The following ZNF423 variants were observed in gnomAD, a reference collection of about 807,000 sequenced individuals.
The protein encoded by ZNF423 is Ebf-associated zinc finger protein.
A neutral mutation model predicts 95.8 loss-of-function variants in ZNF423; 12 were observed. The observed-to-expected ratio is 0.13, with a 90% confidence interval of 0.08 to 0.20. The LOEUF (loss-of-function observed/expected upper bound fraction) is 0.20, where lower values mean the gene tolerates loss of function less well. Ranked by LOEUF, ZNF423 falls within the 10% of genes least tolerant of loss-of-function variation. The pLI, the probability that ZNF423 is intolerant of heterozygous loss-of-function variation, is 1.00. For missense variants in ZNF423, 1,316 were observed against 1,737.1 expected, an observed-to-expected ratio of 0.76 and a Z score of 4.31; for synonymous variants, 749 against 711.9, an observed-to-expected ratio of 1.05 and a Z score of -0.83.
chr16:49,650,312 C>T (rs1047100675), intron 3 of ZNF423, among the ~76,000 whole-genome samples: 3 of 152,128 alleles, frequency 2.0e-5, no homozygotes, highest in Non-Finnish European at 2.9e-5. Context: ...AGCTGTGAGA[C>T]CATGGGAAAA....
chr16:49,616,883 T>C (rs1386736738), intron 5 of ZNF423, among the ~76,000 whole-genome samples: 1 of 152,164 alleles, frequency 6.6e-6, no homozygotes, highest in Non-Finnish European at 1.5e-5. Flanking sequence ...CATCATCTAA[T>C]AACACTAATA....
At chr16:49,654,352 G>C (rs991410502) in intron 3 of ZNF423, among the ~76,000 whole-genome samples, 5 of 152,208 alleles carry the variant, frequency 3.3e-5, no homozygotes, top group Non-Finnish European at 7.3e-5. Flanking sequence ...GCTAAGAGTA[G>C]GTCCTCATTT....
chr16:49,682,907 G>A (rs536686317), intron 3 of ZNF423, among the ~76,000 whole-genome samples: 10 of 152,220 alleles, frequency 6.6e-5, no homozygotes, highest in African/African-American at 2.2e-4. Flanking sequence ...GGGTATCTAG[G>A]AGACGCCCCT....
chr16:49,744,319 G>A (rs79816340), intron 2 of ZNF423, among the ~76,000 whole-genome samples: 10,915 of 152,266 alleles, frequency 0.072, 487 homozygotes, highest in East Asian at 0.15. Context: ...ACACAGCCAG[G>A]CAGGGTGTCC....
chr16:49,629,980 C>T (rs1028551019), intron 4 of ZNF423, among the ~76,000 whole-genome samples: 5 of 152,198 alleles, frequency 3.3e-5, no homozygotes, highest in African/African-American at 7.2e-5. Context: ...AAGCTGGATG[C>T]GTCAGGCTCC....
chr16:49,848,230 C>A (rs2144116758), intron 1 of ZNF423, among the ~76,000 whole-genome samples: 2 of 152,250 alleles, frequency 1.3e-5, no homozygotes, highest in Admixed American at 1.3e-4. Context: ...GCCAGGTGAG[C>A]ATCTGCAGGA....
chr16:49,827,710 TA>T (rs2035020640), intron 1 of ZNF423, among the ~76,000 whole-genome samples: 1 of 152,142 alleles, frequency 6.6e-6, no homozygotes, highest in Non-Finnish European at 1.5e-5. Context: ...TTTGTAGCAA[TA>T]GGGTCTATGT....
intron 5 of ZNF423, among the ~76,000 whole-genome samples, chr16:49,596,894 G>T (rs1379228103): frequency 6.6e-6 from 1 of 152,200 alleles, no homozygotes; most frequent in African/African-American, 2.4e-5. Flanking sequence ...AGGGCCACAC[G>T]CCAGGAAGCA....
intron 5 of ZNF423, among the ~76,000 whole-genome samples, chr16:49,560,497 C>T (rs1969979146): frequency 6.6e-6 from 1 of 152,148 alleles, no homozygotes; most frequent in African/African-American, 2.4e-5. Context: ...TATTCCCTTC[C>T]CTCTCGCAGC....
At chr16:49,828,187 C>T (rs1250014751) in intron 1 of ZNF423, among the ~76,000 whole-genome samples, 1 of 152,210 alleles carries the variant, frequency 6.6e-6, no homozygotes, top group Admixed American at 6.5e-5. Context: ...AAGCCACCCA[C>T]CCTGCCAACC....
intron 5 of ZNF423, among the ~76,000 whole-genome samples, chr16:49,557,242 A>AG (rs34694550): frequency 6.6e-6 from 1 of 152,214 alleles, no homozygotes; most frequent in Non-Finnish European, 1.5e-5. Context: ...GCAGCTCCCC[A>AG]GGGTGAGGCC....
chr16:49,637,460 G>A lies in ZNF423; in HGVS notation c.1716C>T (p.Ser572=), dbSNP rs1254281045. 2 of 1,614,146 alleles carry A rather than the reference G, an allele frequency of 1.2e-6. No homozygotes were observed. Among genetic ancestry groups the A allele is most frequent in the Non-Finnish European group, 1.7e-6 (2 of 1,180,040 alleles). Residue 572 remains serine (S), a synonymous_variant, in exon 4 of 8, where the codon TCC becomes TCT. Transcript: ENST00000563137. The surrounding 1 kb of genome is among the most constrained non-coding windows in gnomAD (Gnocchi z 5.6). ...QPTQSFMEVY[S]CPYCTNSPIF... ...TGGGGGAGTTGGTGCAGTAGGGGCA[G>A]GAATAGACCTCCATGAAGGACTGCG...
At chr16:49,792,220 G>A (rs960691037) in intron 1 of ZNF423, among the ~76,000 whole-genome samples, 1 of 152,022 alleles carries the variant, frequency 6.6e-6, no homozygotes, top group African/African-American at 2.4e-5. Flanking sequence ...CAAATAGTCT[G>A]CACACTTACA....
rs116828201 is a variant in ZNF423 at position 49,694,191 on chromosome 16, A to C, written c.301+36580T>G. ...AGTGAATGGAAAGGAGGGAAGTAGG[A>C]AGGGGGAGCAGGAGGGAGAGGGAGG... On this transcript the variant is annotated intron_variant, in intron 3 of 7. Transcript: ENST00000563137. Among the ~76,000 whole-genome samples the C allele has an allele frequency of 4.8e-3, 730 of 152,324 alleles. 7 individuals carry two copies. The highest frequency in any genetic ancestry group is 0.016 in the African/African-American group (686 of 41,582).
intron 3 of ZNF423, among the ~76,000 whole-genome samples, chr16:49,723,434 T>C (rs932572762): frequency 1.3e-5 from 2 of 152,160 alleles, no homozygotes; most frequent in Non-Finnish European, 2.9e-5. Flanking sequence ...TTTGTGTTGA[T>C]TTATTGGCTA....
At chr16:49,850,367 A>C (rs2035289788) in intron 1 of ZNF423, among the ~76,000 whole-genome samples, 1 of 152,204 alleles carries the variant, frequency 6.6e-6, no homozygotes, top group Admixed American at 6.5e-5. Context: ...ATGCCCTTGC[A>C]AGCTGACGGG....
At chr16:49,749,610 G>A (rs944050140) in intron 2 of ZNF423, among the ~76,000 whole-genome samples, 5 of 152,244 alleles carry the variant, frequency 3.3e-5, no homozygotes, top group Non-Finnish European at 7.3e-5. Flanking sequence ...ATCGCCGTGT[G>A]CGAATGGGAT....
intron 3 of ZNF423, among the ~76,000 whole-genome samples, chr16:49,719,195 G>C (rs764479461): frequency 8.5e-5 from 13 of 152,118 alleles, no homozygotes; most frequent in African/African-American, 3.1e-4. Context: ...TGCTTTTCCC[G>C]CCCAGGGGTG....
Position 49,853,404 on chromosome 16 carries a change from C to A in ZNF423, c.40+2331G>T, listed in dbSNP as rs2035323254. ...TAATTCCTCCCTTGATAAGTGGCCA[C>A]ATCTCCACCCTCTTCACCCCAGTAA... On this transcript the variant is annotated intron_variant, in intron 1 of 7. Coordinates refer to ENST00000563137, the MANE Select transcript of ZNF423 (RefSeq NM_001379286.1). Among the ~76,000 whole-genome samples, 3 of 152,144 alleles carry A rather than the reference C, an allele frequency of 2.0e-5. No individual in the cohort carries two copies. The South Asian group carries it at 6.2e-4, about 32-fold the overall frequency.
Sources: gnomAD v4.1 joint callset for allele counts (sites outside exome capture counted in the v4.1 genomes callset) on GRCh38, gnomAD v4.1.1 for gene constraint, Gnocchi (gnomAD v3.1) non-coding constraint, MANE v1.5 for transcripts, NCBI Gene and HGNC (gene_info 2026-07-23, HGNC 2026-07-21) for gene names.